The following SPATA1 variants were observed in gnomAD, a reference collection of about 807,000 sequenced individuals.
The protein encoded by SPATA1 is spermatogenesis associated 1.
Under a neutral mutation model 59.6 loss-of-function variants are expected in SPATA1, and 57 were observed. That is an observed-to-expected ratio of 0.96 (90% CI 0.77 to 1.19). The LOEUF is 1.19. Ranked by LOEUF, SPATA1 falls within the 50% of genes most tolerant of loss-of-function variation. The pLI is 0.00. For synonymous variants in SPATA1, 147 were observed against 163.9 expected, an observed-to-expected ratio of 0.90 and a Z score of 0.79; for missense variants, 448 against 480.7, an observed-to-expected ratio of 0.93 and a Z score of 0.64.
At chr1:84,509,208 T>TAAAAAAAAA (rs547069684) in intron 1 of SPATA1, among the ~76,000 whole-genome samples, 6,140 of 133,620 alleles carry the variant, frequency 0.046, 172 homozygotes, top group Non-Finnish European at 0.068. Context: ...GGTACTGGCA[T>TAAAAAAAAA]AAAAAAAAAA....
exon 13 of SPATA1, chr1:84,554,149 A>G (rs1684358081): frequency 6.6e-6 from 1 of 152,182 alleles, no homozygotes; most frequent in African/African-American, 2.4e-5. Flanking sequence ...TTGCAGATGT[A>G]GAAAGAAAAA....
At chr1:84,537,113 C>T (rs867515568) in intron 8 of SPATA1, among the ~76,000 whole-genome samples, 45 of 151,910 alleles carry the variant, frequency 3.0e-4, no homozygotes, top group African/African-American at 1.1e-3. Flanking sequence ...CTCCTGACCT[C>T]GTGATCCACC....
intron 4 of SPATA1, among the ~76,000 whole-genome samples, chr1:84,561,697 A>G (rs1684597625): frequency 6.6e-6 from 1 of 152,202 alleles, no homozygotes. Flanking sequence ...AACCTTCAGC[A>G]ACCACCACCC....
At chr1:84,521,589 T>C (rs1212184514) in intron 3 of SPATA1, among the ~76,000 whole-genome samples, 3 of 152,182 alleles carry the variant, frequency 2.0e-5, no homozygotes, top group Admixed American at 1.3e-4. Flanking sequence ...TATTCTCTAA[T>C]CACTGTATTT....
chr1:84,518,496 T>A (rs929391605), intron 2 of SPATA1, among the ~76,000 whole-genome samples: 5 of 152,112 alleles, frequency 3.3e-5, no homozygotes, highest in African/African-American at 1.2e-4. Context: ...TTTATATGTA[T>A]GTTTAAAATT....
chr1:84,511,665 T>C (rs1400536821), intron 1 of SPATA1, among the ~76,000 whole-genome samples: 1 of 146,108 alleles, frequency 6.8e-6, no homozygotes, highest in African/African-American at 2.6e-5. Flanking sequence ...CTTTTTTTTT[T>C]TTTTTCTTTC....
downstream of SPATA1, among the ~76,000 whole-genome samples, chr1:84,559,153 T>C (rs1382777373): frequency 6.6e-6 from 1 of 152,196 alleles, no homozygotes; most frequent in Non-Finnish European, 1.5e-5. Flanking sequence ...CTGGTGCCAT[T>C]TTTCCAACAG....
intron 12 of SPATA1, chr1:84,552,279 T>G (rs2102010413): frequency 6.6e-6 from 1 of 152,324 alleles, no homozygotes. Context: ...ATATATCATC[T>G]GAGGATCCTG....
At chr1:84,559,803 G>A (rs1684552393) in intron 4 of SPATA1, among the ~76,000 whole-genome samples, 1 of 152,098 alleles carries the variant, frequency 6.6e-6, no homozygotes, top group Non-Finnish European at 1.5e-5. Context: ...ACAATGTGTT[G>A]GCCAGGTGCA....
At chr1:84,541,749 A>G (rs1329405960) in intron 8 of SPATA1, among the ~76,000 whole-genome samples, 4 of 152,100 alleles carry the variant, frequency 2.6e-5, no homozygotes, top group Non-Finnish European at 4.4e-5. Context: ...GGTTTTCTTC[A>G]TAAGTAACTG....
chr1:84,506,980 C>T (rs1486224242), intron 1 of SPATA1: 6 of 152,162 alleles, frequency 3.9e-5, no homozygotes, highest in African/African-American at 9.7e-5. Flanking sequence ...TAAAATAAAA[C>T]TTATTTTTGT....
chr1:84,554,897 A>T, downstream of SPATA1: 1 of 850,718 alleles, frequency 1.2e-6, no homozygotes, highest in Non-Finnish European at 1.8e-6. Flanking sequence ...TTTTTTTAGT[A>T]TACGGATAAC....
downstream of SPATA1, chr1:84,554,899 A>G: frequency 1.1e-6 from 1 of 872,804 alleles, no homozygotes; most frequent in Non-Finnish European, 1.8e-6. Context: ...TTTTTAGTAT[A>G]CGGATAACAA....
intron 4 of SPATA1, among the ~76,000 whole-genome samples, chr1:84,560,965 T>C (rs1397932602): frequency 2.6e-5 from 4 of 152,216 alleles, no homozygotes; most frequent in East Asian, 1.9e-4. Flanking sequence ...ACAAGATGAA[T>C]GTTATTTTCA....
At chr1:84,528,750 T>C (rs963777322) in intron 6 of SPATA1, among the ~76,000 whole-genome samples, 1 of 152,210 alleles carries the variant, frequency 6.6e-6, no homozygotes, top group African/African-American at 2.4e-5. Flanking sequence ...TTCACGTACA[T>C]GTTCAACTTC....
chr1:84,537,250 C>T (rs944779300), intron 8 of SPATA1, among the ~76,000 whole-genome samples: 2 of 152,082 alleles, frequency 1.3e-5, no homozygotes, highest in Non-Finnish European at 2.9e-5. Context: ...TAAGAGAAAA[C>T]AGTACCAGAG....
At chr1:84,523,725 G>T (rs2101944842) in intron 4 of SPATA1, among the ~76,000 whole-genome samples, 1 of 152,172 alleles carries the variant, frequency 6.6e-6, no homozygotes, top group East Asian at 1.9e-4. Flanking sequence ...AGTTCTATTT[G>T]GTACAACTTT....
At chr1:84,552,087 A>G (rs1445826372) in intron 12 of SPATA1, 1 of 152,194 alleles carries the variant, frequency 6.6e-6, no homozygotes, top group Non-Finnish European at 1.5e-5. Flanking sequence ...GTATTTAACC[A>G]TAGTGCCTGA....
At chr1:84,536,265 T>C (rs1683677757) in intron 8 of SPATA1, among the ~76,000 whole-genome samples, 1 of 152,242 alleles carries the variant, frequency 6.6e-6, no homozygotes, top group African/African-American at 2.4e-5. Flanking sequence ...TTTAATGTGC[T>C]AGCTCCAGCA....
Sources: allele counts gnomAD v4.1 joint callset (sites outside exome capture counted in the v4.1 genomes callset), GRCh38; gene constraint gnomAD v4.1.1; transcripts MANE v1.5; gene names NCBI Gene and HGNC (gene_info 2026-07-23, HGNC 2026-07-21).